The following FOXO1 variants were observed in gnomAD, a reference collection of about 807,000 sequenced individuals.
The protein encoded by FOXO1 is forkhead box O1, also known as forkhead box protein O1.
FOXO1 carries 6 observed loss-of-function variants against 44.1 expected under a neutral mutation model. That is an observed-to-expected ratio of 0.14 (90% CI 0.07 to 0.27). The LOEUF is 0.27. Ranked by LOEUF, FOXO1 falls within the 10% of genes least tolerant of loss-of-function variation. The probability of loss-of-function intolerance (pLI) is 1.00; values close to 1 mark genes in which losing one functional copy is unlikely to be tolerated. For missense variants in FOXO1, 737 were observed against 888.8 expected (o/e 0.83, Z 2.17); for synonymous variants, 380 against 362.7 (o/e 1.05, Z -0.54).
At position 40,603,271 on chromosome 13, in the gene FOXO1, T is replaced by C. The variant is rs148677647; in HGVS notation, c.631-42411A>G. On this transcript the variant is annotated intron_variant, in intron 1 of 2. Transcript: ENST00000379561. Reference sequence around the variant, plus strand: ...TATGGCTTTTGGCAGTCAATGCTCTTAATGCTGCTATTAGGTGGAAAGGTG... The same window carrying C: ...TATGGCTTTTGGCAGTCAATGCTCTCAATGCTGCTATTAGGTGGAAAGGTG... Among the ~76,000 whole-genome samples, 403 of 150,618 alleles carry C rather than the reference T, an allele frequency of 2.7e-3. 6 individuals are homozygous for C. In the East Asian group the frequency reaches 0.033, roughly 12 times the overall value.
intron 1 of FOXO1, among the ~76,000 whole-genome samples, chr13:40,615,300 G>T (rs1022325243): frequency 6.6e-6 from 1 of 152,174 alleles, no homozygotes; most frequent in African/African-American, 2.4e-5. Context: ...ACTCTGGGAG[G>T]CCGAGGCAGG....
chr13:40,645,904 T>G (rs374401364), intron 1 of FOXO1, among the ~76,000 whole-genome samples: 1 of 151,934 alleles, frequency 6.6e-6, no homozygotes, highest in East Asian at 1.9e-4. Flanking sequence ...CTGTCTCTAC[T>G]AAAAATACAA....
chr13:40,610,426 G>A (rs1021837761), intron 1 of FOXO1, among the ~76,000 whole-genome samples: 2 of 152,172 alleles, frequency 1.3e-5, no homozygotes, highest in African/African-American at 4.8e-5. Flanking sequence ...GTAAAACATT[G>A]TAATAAGCAG....
chr13:40,615,575 ACAG>A (rs761133274), intron 1 of FOXO1, among the ~76,000 whole-genome samples: 54 of 150,240 alleles, frequency 3.6e-4, no homozygotes, highest in Non-Finnish European at 4.6e-4. Context: ...ATACATACAT[ACAG>A]CAGAAGGGAT....
chr13:40,601,188 A>G (rs1301608081), intron 1 of FOXO1, among the ~76,000 whole-genome samples: 1 of 152,214 alleles, frequency 6.6e-6, no homozygotes, highest in African/African-American at 2.4e-5. Flanking sequence ...TTTGAAGGAT[A>G]TTAAATGAGA....
intron 1 of FOXO1, among the ~76,000 whole-genome samples, chr13:40,584,709 T>C (rs1875092250): frequency 6.6e-6 from 1 of 152,158 alleles, no homozygotes; most frequent in South Asian, 2.1e-4. Flanking sequence ...ACAATAAGAT[T>C]TCTTGTCCTG....
chr13:40,591,108 G>A (rs1034521753), intron 1 of FOXO1, among the ~76,000 whole-genome samples: 2 of 152,030 alleles, frequency 1.3e-5, no homozygotes, highest in Non-Finnish European at 2.9e-5. Flanking sequence ...GACTGCTTCA[G>A]AGTTCAACAG....
intron 1 of FOXO1, among the ~76,000 whole-genome samples, chr13:40,596,015 G>A (rs998137162): frequency 2.7e-5 from 4 of 149,408 alleles, no homozygotes; most frequent in African/African-American, 9.9e-5. Flanking sequence ...TTCAGTACAT[G>A]GCATGGTTAT....
At chr13:40,628,387 A>ACACACACACACC (rs1445854283) in intron 1 of FOXO1, among the ~76,000 whole-genome samples, 57 of 151,298 alleles carry the variant, frequency 3.8e-4, no homozygotes, top group African/African-American at 1.1e-3. Context: ...ACACACACAC[A>ACACACACACACC]CACCCCGTGA....
Position 40,620,204 on chromosome 13 carries a change from G to A in FOXO1, c.630+45379C>T, listed in dbSNP as rs550321466. On this transcript the variant is annotated intron_variant, in intron 1 of 2. Coordinates refer to ENST00000379561, the MANE Select transcript of FOXO1 (RefSeq NM_002015.4). ...AGCAGATCCTCAACTGCTGTACTACGACATCCAACAATCACACTGGACCTT... is the reference window on the plus strand; with the variant it reads ...AGCAGATCCTCAACTGCTGTACTACAACATCCAACAATCACACTGGACCTT... The A allele has an allele frequency of 1.4e-4, 221 of 1,568,126 alleles. No homozygotes were observed. In the African/African-American group the frequency reaches 1.8e-3, roughly 13 times the overall value.
intron 1 of FOXO1, among the ~76,000 whole-genome samples, chr13:40,634,186 T>C (rs1252302585): frequency 6.6e-6 from 1 of 152,216 alleles, no homozygotes; most frequent in Non-Finnish European, 1.5e-5. Context: ...AAGTTTCCCT[T>C]TGCTAATAAA....
intron 1 of FOXO1, among the ~76,000 whole-genome samples, chr13:40,642,203 C>G (rs187368210): frequency 3.8e-4 from 58 of 152,282 alleles, no homozygotes; most frequent in Admixed American, 2.0e-3. Context: ...TTTTTTGTAG[C>G]TAGTGTAACT....
chr13:40,642,631 T>C (rs1489912695), intron 1 of FOXO1, among the ~76,000 whole-genome samples: 2 of 152,114 alleles, frequency 1.3e-5, no homozygotes, highest in East Asian at 3.9e-4. Flanking sequence ...TTTAACAGCA[T>C]AAATAGGCTG....
chr13:40,629,324 T>C lies in FOXO1; in HGVS notation c.630+36259A>G, dbSNP rs137885060. ...CGCCCAGCTAATTTTGTATTTTTAG[T>C]AGAGATGGGGTTTCTCCATGTTGGT... On this transcript the variant is annotated intron_variant, in intron 1 of 2. Coordinates refer to ENST00000379561, the MANE Select transcript of FOXO1 (RefSeq NM_002015.4). 9.1e-3 allele frequency among the ~76,000 whole-genome samples: 1,379 copies of C among 152,282 alleles called. 11 individuals are homozygous for C. Among genetic ancestry groups the C allele is most frequent in the Non-Finnish European group, 0.013 (880 of 68,004 alleles).
At chr13:40,638,395 A>G (rs760727670) in intron 1 of FOXO1, among the ~76,000 whole-genome samples, 2 of 152,250 alleles carry the variant, frequency 1.3e-5, no homozygotes, top group Non-Finnish European at 2.9e-5. Flanking sequence ...CCAACAAAAA[A>G]AAAAGCTAAA....
intron 1 of FOXO1, among the ~76,000 whole-genome samples, chr13:40,603,150 A>C (rs1176730091): frequency 2.0e-5 from 3 of 152,130 alleles, no homozygotes; most frequent in Non-Finnish European, 4.4e-5. Context: ...GTGTATTTCC[A>C]TTTTAGGCTT....
Position 40,560,833 on chromosome 13 carries a change from G to A in FOXO1, c.658C>T (p.His220Tyr). The change falls in exon 2 of 3, where the codon CAC becomes TAC. Residue 220 changes from histidine to tyrosine, a missense_variant. Physicochemically the swap from His to Tyr is moderately conservative, Grantham distance 83. Around this residue, in one of 7 missense-constraint regions of FOXO1, gnomAD observed 8 missense variants for 31.2 expected, o/e 0.26. Transcript: ENST00000379561. This position sits in a 1 kb window ranked among gnomAD's most constrained non-coding sequence, Gnocchi z 5.1. ...TTCTGCACACGAATGAACTTGCTGTGTAGGGACAGATTATGACGAATTGAA... is the reference window on the plus strand; with the variant it reads ...TTCTGCACACGAATGAACTTGCTGTATAGGGACAGATTATGACGAATTGAA... ...KNSIRHNLSL[H>Y]SKFIRVQNEG... 1.2e-6 allele frequency: 2 copies of A among 1,612,168 alleles called. No homozygotes were observed. Among genetic ancestry groups the A allele is most frequent in the Non-Finnish European group, 1.7e-6 (2 of 1,179,300 alleles).
At chr13:40,618,988 G>A (rs566197914) in intron 1 of FOXO1, 154 of 519,190 alleles carry the variant, frequency 3.0e-4, no homozygotes, top group Admixed American at 5.1e-4. Flanking sequence ...AGCCTGACTC[G>A]AGAAATGGAA....
intron 1 of FOXO1, among the ~76,000 whole-genome samples, chr13:40,651,053 G>A (rs1449970358): frequency 6.6e-6 from 1 of 151,902 alleles, no homozygotes; most frequent in African/African-American, 2.4e-5. Context: ...GGTTACAGGT[G>A]TGAGCCACCA....
Sources: gnomAD v4.1 joint callset for allele counts (sites outside exome capture counted in the v4.1 genomes callset) on GRCh38, gnomAD v4.1.1 for gene constraint, gnomAD v4.1.1 regional missense constraint, Gnocchi (gnomAD v3.1) non-coding constraint, MANE v1.5 for transcripts, NCBI Gene and HGNC (gene_info 2026-07-23, HGNC 2026-07-21) for gene names.